LINGO2: variants seen among roughly 807,000 people sequenced by gnomAD.
The protein encoded by LINGO2 is leucine-rich repeat and immunoglobulin-like domain-containing nogo receptor-interacting protein 2.
Under a neutral mutation model 30.6 loss-of-function variants are expected in LINGO2, and 14 were observed. The ratio of observed to expected loss-of-function variants is 0.46; its 90% CI spans 0.30 to 0.72. The LOEUF (loss-of-function observed/expected upper bound fraction) is 0.72. Ranked by LOEUF, LINGO2 falls within the 30% of genes least tolerant of loss-of-function variation. The pLI is 0.07. For missense variants in LINGO2, 729 were observed against 751.7 expected (o/e 0.97, Z 0.35); for synonymous variants, 317 against 288.5 (o/e 1.10, Z -1.00).
the LINGO2 span, among the ~76,000 whole-genome samples, chr9:29,195,952 T>C: frequency 6.6e-6 from 1 of 152,154 alleles, no homozygotes; most frequent in Non-Finnish European, 1.5e-5. Flanking sequence ...GTACTAGTTA[T>C]CAACCATCTT....
the LINGO2 span, among the ~76,000 whole-genome samples, chr9:28,999,666 A>G: frequency 6.6e-6 from 1 of 152,036 alleles, no homozygotes; most frequent in East Asian, 1.9e-4. Context: ...TCTATTTCTG[A>G]ATGTTTGATA....
At chr9:28,905,460 T>C in the LINGO2 span, among the ~76,000 whole-genome samples, 221 of 151,566 alleles carry the variant, frequency 1.5e-3, 1 homozygote, top group South Asian at 4.0e-3. Flanking sequence ...AGAAAAAAAA[T>C]AATGTGACTA....
chr9:28,387,408 G>A (rs1351956251), intron 2 of LINGO2, among the ~76,000 whole-genome samples: 1 of 152,160 alleles, frequency 6.6e-6, no homozygotes, highest in African/African-American at 2.4e-5. Context: ...CTATAAAATG[G>A]ACCAATCAGC....
rs1166280576 is a variant in LINGO2 at position 28,491,184 on chromosome 9, G to A, written c.-364-15159C>T. ...TCTGGAAGTAAGAAGTCTGAAATGA[G>A]TCTTATGGAGCTAAAATCAAGGTGT... On this transcript the variant is annotated intron_variant, in intron 1 of 5. Coordinates refer to ENST00000379992, the Ensembl canonical transcript of LINGO2. 3.3e-5 allele frequency among the ~76,000 whole-genome samples: 5 copies of A among 152,138 alleles called. No homozygotes were observed. The East Asian group carries it at 7.7e-4, about 23-fold the overall frequency.
chr9:28,259,822 G>C (rs1200947614), intron 4 of LINGO2, among the ~76,000 whole-genome samples: 1 of 151,850 alleles, frequency 6.6e-6, no homozygotes, highest in East Asian at 1.9e-4. Context: ...GGATAGGGGA[G>C]TCATTCTGTA....
the LINGO2 span, among the ~76,000 whole-genome samples, chr9:28,890,885 C>T: frequency 6.6e-6 from 1 of 151,922 alleles, no homozygotes; most frequent in Non-Finnish European, 1.5e-5. Flanking sequence ...CAGCAGCTAA[C>T]AAAATCAACT....
At chr9:29,030,545 T>C in the LINGO2 span, among the ~76,000 whole-genome samples, 3 of 152,210 alleles carry the variant, frequency 2.0e-5, no homozygotes, top group East Asian at 3.8e-4. Context: ...TTATCTTTCA[T>C]GACCATGACA....
the LINGO2 span, among the ~76,000 whole-genome samples, chr9:29,207,068 C>T: frequency 6.6e-6 from 1 of 151,476 alleles, no homozygotes; most frequent in Non-Finnish European, 1.5e-5. Context: ...TACATATGTA[C>T]ATACATATAT....
the LINGO2 span, among the ~76,000 whole-genome samples, chr9:29,087,598 CT>C: frequency 6.6e-6 from 1 of 152,140 alleles, no homozygotes; most frequent in Admixed American, 6.5e-5. Flanking sequence ...GACTCTCTCG[CT>C]CATAGACCTC....
intron 3 of LINGO2, among the ~76,000 whole-genome samples, chr9:28,303,181 G>C (rs1824213741): frequency 6.6e-6 from 1 of 152,104 alleles, no homozygotes; most frequent in African/African-American, 2.4e-5. Context: ...CAATGTCATG[G>C]ACAGCTTGTG....
chr9:28,484,553 G>A (rs528089921), intron 1 of LINGO2, among the ~76,000 whole-genome samples: 84 of 152,122 alleles, frequency 5.5e-4, no homozygotes, highest in African/African-American at 1.9e-3. Flanking sequence ...CACGTGACAT[G>A]TTTGTAGATA....
the LINGO2 span, among the ~76,000 whole-genome samples, chr9:28,964,208 A>T: frequency 7.3e-5 from 11 of 151,604 alleles, no homozygotes; most frequent in Middle Eastern, 6.8e-3. Context: ...CCAGTTCAGA[A>T]GTTATATGAA....
chr9:28,636,894 C>T (rs1827306768), intron 1 of LINGO2, among the ~76,000 whole-genome samples: 1 of 152,144 alleles, frequency 6.6e-6, no homozygotes, highest in African/African-American at 2.4e-5. Context: ...GAGGTCCTTG[C>T]CCATGCCTAT....
At chr9:28,232,360 C>T (rs1821386818) in intron 4 of LINGO2, among the ~76,000 whole-genome samples, 1 of 136,568 alleles carries the variant, frequency 7.3e-6, no homozygotes, top group African/African-American at 2.8e-5. Context: ...AGAGGTTGCA[C>T]TGAGCTGAGG....
At chr9:28,052,845 A>T (rs757276155) in intron 4 of LINGO2, among the ~76,000 whole-genome samples, 4 of 152,106 alleles carry the variant, frequency 2.6e-5, no homozygotes, top group Non-Finnish European at 5.9e-5. Flanking sequence ...AATCATTTGG[A>T]TATTTTATGT....
chr9:28,499,229 G>C (rs1819786799), intron 1 of LINGO2, among the ~76,000 whole-genome samples: 1 of 152,232 alleles, frequency 6.6e-6, no homozygotes, highest in Non-Finnish European at 1.5e-5. Context: ...GTGAAAGACA[G>C]ATGACTTGTT....
chr9:28,268,799 C>G (rs1029403459), intron 4 of LINGO2, among the ~76,000 whole-genome samples: 4 of 152,182 alleles, frequency 2.6e-5, no homozygotes, highest in African/African-American at 9.6e-5. Context: ...CTTTATTAGA[C>G]AGTACACCGC....
rs1827527054 is a variant in LINGO2, at chr9:28,136,685, T to C, written c.-86-124280A>G. The stretch of plus-strand genomic sequence containing the variant: ...CTTATGTCCAGATGTTCCTCTCTTA[T>C]ATCACATTAGAATATACCATATCCC... On this transcript the variant is annotated intron_variant, in intron 4 of 5. Coordinates refer to ENST00000379992, the Ensembl canonical transcript of LINGO2. 1.3e-5 allele frequency among the ~76,000 whole-genome samples: 2 copies of C among 152,328 alleles called. 1 individual carries two copies. Among genetic ancestry groups the C allele is most frequent in the South Asian group, 4.1e-4 (2 of 4,830 alleles).
At chr9:28,569,834 A>C (rs1409858657) in intron 1 of LINGO2, among the ~76,000 whole-genome samples, 1 of 152,000 alleles carries the variant, frequency 6.6e-6, no homozygotes, top group African/African-American at 2.4e-5. Flanking sequence ...CAGCTAAGTC[A>C]ATAAGCTTGA....
Sources: allele counts gnomAD v4.1 joint callset (sites outside exome capture counted in the v4.1 genomes callset), GRCh38; gene constraint gnomAD v4.1.1; transcripts MANE v1.5; gene names NCBI Gene and HGNC (gene_info 2026-07-23, HGNC 2026-07-21).